The following CDH23 variants were observed in gnomAD, a reference collection of about 807,000 sequenced individuals.
CDH23 encodes cadherin-23.
CDH23 carries 189 observed loss-of-function variants against 317.1 expected under a neutral mutation model. That is an observed-to-expected ratio of 0.60 (90% CI 0.53 to 0.67). The LOEUF (loss-of-function observed/expected upper bound fraction) is 0.67. Among genes scored for constraint, CDH23 ranks in the 30% least tolerant of loss-of-function variants. The pLI, the probability that CDH23 is intolerant of heterozygous loss-of-function variation, is 0.00. For missense variants in CDH23, 4,401 were observed against 4,592.4 expected (o/e 0.96, Z 1.20); for synonymous variants, 1,839 against 1,876.8 (o/e 0.98, Z 0.52).
chr10:71,792,094 C>G (rs1232494225), intron 47 of CDH23, among the ~76,000 whole-genome samples: 1 of 152,010 alleles, frequency 6.6e-6, no homozygotes, highest in African/African-American at 2.4e-5. Flanking sequence ...AATATGGGCA[C>G]AAGACTCCAG....
chr10:71,580,024 A>T (rs1858513833), intron 9 of CDH23, among the ~76,000 whole-genome samples: 1 of 152,198 alleles, frequency 6.6e-6, no homozygotes, highest in African/African-American at 2.4e-5. Context: ...ACTTGGTTCA[A>T]GGTCATGCTT....
chr10:71,752,003 C>A (rs1244464269), intron 38 of CDH23: 8 of 945,574 alleles, frequency 8.5e-6, no homozygotes, highest in South Asian at 1.4e-5. Flanking sequence ...AGCAAGAAGG[C>A]AGGAGCCAGG....
At chr10:71,525,207 G>A (rs1022888370) in intron 6 of CDH23, among the ~76,000 whole-genome samples, 5 of 152,174 alleles carry the variant, frequency 3.3e-5, no homozygotes, top group Admixed American at 6.5e-5. Context: ...GTGCCCGGCC[G>A]ACACCTGGAT....
At chr10:71,562,711 CAA>C (rs1857195526) in intron 6 of CDH23, among the ~76,000 whole-genome samples, 3 of 152,328 alleles carry the variant, frequency 2.0e-5, no homozygotes, top group South Asian at 2.1e-4. Flanking sequence ...GGGCAGGAGA[CAA>C]AGTCAGCGGG....
At chr10:71,557,012 A>G (rs1418195356) in intron 6 of CDH23, among the ~76,000 whole-genome samples, 1 of 152,152 alleles carries the variant, frequency 6.6e-6, no homozygotes, top group Non-Finnish European at 1.5e-5. Context: ...CTACACAAAC[A>G]TCCTACTCAT....
chr10:71,567,109 GCTGTGTCC>G (rs1266617201), intron 7 of CDH23, among the ~76,000 whole-genome samples, 173 bp downstream of exon 7: 1 of 152,212 alleles, frequency 6.6e-6, no homozygotes, highest in African/African-American at 2.4e-5. Context: ...GAGGCTTTGT[GCTGTGTCC>G]CTGGCACCGT....
intron 22 of CDH23, among the ~76,000 whole-genome samples, chr10:71,697,515 T>G (rs1865437047): frequency 6.6e-6 from 1 of 152,016 alleles, no homozygotes; most frequent in Non-Finnish European, 1.5e-5. Context: ...TTTATAAAAT[T>G]TTTTTTAAGT....
chr10:71,697,311 C>G (rs1409221984), intron 22 of CDH23, among the ~76,000 whole-genome samples: 1 of 152,176 alleles, frequency 6.6e-6, no homozygotes, highest in Non-Finnish European at 1.5e-5. Flanking sequence ...TCCAGGAAAT[C>G]CACGAGCTAT....
intron 55 of CDH23, among the ~76,000 whole-genome samples, chr10:71,803,891 A>C (rs1354793959): frequency 6.7e-6 from 1 of 149,264 alleles, no homozygotes; most frequent in African/African-American, 2.5e-5. Flanking sequence ...AGGCTGACGC[A>C]GGATAATCGC....
At chr10:71,467,105 G>A (rs1334795581) in intron 3 of CDH23, among the ~76,000 whole-genome samples, 3 of 152,152 alleles carry the variant, frequency 2.0e-5, no homozygotes, top group African/African-American at 2.4e-5. Context: ...GAGCTGCAAG[G>A]AGGGGCTGGG....
chr10:71,509,808 G>A, intron 3 of CDH23: 1 of 451,380 alleles, frequency 2.2e-6, no homozygotes, highest in Non-Finnish European at 4.0e-6. Flanking sequence ...AAGGGGGGCA[G>A]GCAGAAGTCA....
At chr10:71,773,511 T>A in intron 38 of CDH23, 6 of 1,437,630 alleles carry the variant, frequency 4.2e-6, no homozygotes, top group Non-Finnish European at 5.7e-6. Flanking sequence ...CGGGGAAGCC[T>A]CCCGCGACTG....
intron 17 of CDH23, among the ~76,000 whole-genome samples, chr10:71,680,999 G>A (rs899755280): frequency 6.6e-6 from 1 of 150,974 alleles, no homozygotes; most frequent in East Asian, 2.0e-4. Flanking sequence ...GCTAATTTTT[G>A]TATTTCTAGT....
chr10:71,743,219 T>G (rs2132850060), intron 38 of CDH23, among the ~76,000 whole-genome samples: 3 of 152,084 alleles, frequency 2.0e-5, no homozygotes, highest in Admixed American at 2.0e-4. Context: ...CTGCAAAGAG[T>G]GTGGTTACAA....
At chr10:71,401,498 G>A (rs185502909) in intron 1 of CDH23, among the ~76,000 whole-genome samples, 14 of 152,268 alleles carry the variant, frequency 9.2e-5, no homozygotes, top group East Asian at 5.8e-4. Context: ...CACACCAACC[G>A]TTTGCTGTGC....
At chr10:71,734,203 G>T (rs368485085) in intron 32 of CDH23, 37 bp from the exon 33 acceptor site, 1 of 1,538,064 alleles carries the variant, frequency 6.5e-7, no homozygotes, top group Non-Finnish European at 8.9e-7. Flanking sequence ...ACAAGGGTGC[G>T]ATGTTGTCAC....
At chr10:71,687,622 T>C in intron 18 of CDH23, 25 bp from the exon 19 acceptor site, 1 of 1,612,748 alleles carries the variant, frequency 6.2e-7, no homozygotes, top group Non-Finnish European at 8.5e-7. Flanking sequence ...TGCAGCCTCC[T>C]GCAACCTGTC....
In CDH23 at chr10:71,570,825, C is replaced by T. The variant is rs1340257058; in HGVS notation, c.660C>T (p.Ala220=). 1.9e-6 allele frequency: 3 copies of T among 1,613,934 alleles called. No individual in the cohort carries two copies. The highest frequency in any genetic ancestry group is 2.5e-6 in the Non-Finnish European group (3 of 1,179,860). The part of the protein sequence containing the change: ...QDKTRPLSTL[A]NLAIIITDVQ... ...AGACCAGGCCTCTGTCCACCCTGGC[C>T]AACTTGGCCATCATCATCACAGATG... The change falls in exon 8 of 70, where the codon GCC becomes GCT. Residue 220 remains alanine, a synonymous_variant. Coordinates refer to ENST00000224721, the MANE Select transcript of CDH23 (RefSeq NM_022124.6).
chr10:71,537,599 C>G (rs544178667), intron 6 of CDH23, among the ~76,000 whole-genome samples: 1 of 152,256 alleles, frequency 6.6e-6, no homozygotes, highest in East Asian at 1.9e-4. Flanking sequence ...TCCAAGGAGC[C>G]CAGTGATGAA....
Sources: allele counts gnomAD v4.1 joint callset (sites outside exome capture counted in the v4.1 genomes callset), GRCh38; gene constraint gnomAD v4.1.1; transcripts MANE v1.5; gene names NCBI Gene and HGNC (gene_info 2026-07-23, HGNC 2026-07-21).